COCH: variants seen among roughly 807,000 people sequenced by gnomAD.
COCH encodes the protein cochlin.
Under a neutral mutation model 54.8 loss-of-function variants are expected in COCH, and 40 were observed. The ratio of observed to expected loss-of-function variants is 0.73; its 90% confidence interval spans 0.57 to 0.95. COCH has a LOEUF of 0.95. COCH is among the 40% of genes least tolerant of loss of function. COCH has a pLI of 0.00. For missense variants in COCH, 605 were observed against 675.0 expected (o/e 0.90, Z 1.15); for synonymous variants, 256 against 237.9 (o/e 1.08, Z -0.70).
At chr14:30,887,080 A>T (rs921350301) in intron 11 of COCH, among the ~76,000 whole-genome samples, 43 of 152,250 alleles carry the variant, frequency 2.8e-4, no homozygotes, top group African/African-American at 1.0e-3. Context: ...AAGGTCTCCC[A>T]TAGACTTTAC....
At chr14:30,876,794 T>A (rs1242435199) in intron 3 of COCH, among the ~76,000 whole-genome samples, 8 of 152,126 alleles carry the variant, frequency 5.3e-5, no homozygotes, top group African/African-American at 7.2e-5. Flanking sequence ...AGTTGAGATT[T>A]AAAAATTTTT....
chr14:30,878,685 A>T, intron 4 of COCH, 126 bp from the exon 5 acceptor site: 1 of 1,344,482 alleles, frequency 7.4e-7, no homozygotes, highest in Non-Finnish European at 1.0e-6. Flanking sequence ...CAGAATCTTT[A>T]GATGACTTCC....
chr14:30,875,280 C>G, intron 3 of COCH, 177 bp downstream of exon 3: 1 of 888,648 alleles, frequency 1.1e-6, no homozygotes, highest in South Asian at 1.7e-5. Context: ...TCTGCTCCTG[C>G]TCACCTGTTT....
Position 30,875,122 on chromosome 14 carries a change from G to C in COCH, c.82+19G>C. 1 of 1,553,784 alleles carries C rather than the reference G, an allele frequency of 6.4e-7. No individual in the cohort carries two copies. The highest frequency in any genetic ancestry group is 8.7e-7 in the Non-Finnish European group (1 of 1,150,056). ...GGAGCCGGTGAGTGGGGGAGCTGGG[G>C]TGCGTCCAGGCGGTCGCAGGGGCTG... On this transcript the variant is annotated intron_variant, in intron 3 of 11. Coordinates refer to ENST00000396618, the MANE Select transcript of COCH (RefSeq NM_004086.3).
At chr14:30,891,140 G>T (rs1374319964), downstream of COCH, among the ~76,000 whole-genome samples, 1 of 152,100 alleles carries the variant, frequency 6.6e-6, no homozygotes, top group Non-Finnish European at 1.5e-5. Flanking sequence ...AGATATTTTT[G>T]AGTACTTGCT....
Position 30,888,019 on chromosome 14 carries a change from A to G in COCH, c.1478-1597A>G, listed in dbSNP as rs1331910152. ...TGAAAATTATCCCTTAGTGATATTG[A>G]AAGTTGCAAAAGCCAGAAAATAGGG... On this transcript the variant is annotated intron_variant, in intron 11 of 11. Coordinates refer to ENST00000396618, the MANE Select transcript of COCH (RefSeq NM_004086.3). Among the ~76,000 whole-genome samples, 8 of 152,314 alleles carry G rather than the reference A, an allele frequency of 5.3e-5. No individual in the cohort carries two copies. In the South Asian group the frequency reaches 1.7e-3, roughly 32 times the overall value.
At position 30,877,409 on chromosome 14, in the gene COCH, T is replaced by C. The variant is rs984789597; in HGVS notation, c.83-163T>C. ...TTAAATTGGAAAACAACCTTGTGGCTTGCCAAAATCTGGAATGGTATGGAA... is the reference window on the plus strand; with the variant it reads ...TTAAATTGGAAAACAACCTTGTGGCCTGCCAAAATCTGGAATGGTATGGAA... On this transcript the variant is annotated intron_variant, in intron 3 of 11. Coordinates refer to ENST00000396618, the MANE Select transcript of COCH (RefSeq NM_004086.3). The surrounding 1 kb of genome is among the most constrained non-coding windows in gnomAD (Gnocchi z 8.6). 2.4e-6 allele frequency: 2 copies of C among 828,940 alleles called. No individual in the cohort carries two copies. 51.3% of individuals were successfully genotyped at this position (828,940 alleles called of 1,614,324 possible). A position where few individuals can be genotyped will look rare whatever the true frequency, so the allele number is the denominator to read the frequency against.
At chr14:30,882,133 T>TGTTTTG (rs1566410421) in intron 8 of COCH, among the ~76,000 whole-genome samples, 15 of 124,990 alleles carry the variant, frequency 1.2e-4, no homozygotes, top group African/African-American at 4.2e-4. Context: ...TTTTTTTTTT[T>TGTTTTG]TTTTTTTTTT....
intron 6 of COCH, 74 bp from the exon 7 acceptor site, chr14:30,880,378 G>A: frequency 1.9e-6 from 3 of 1,591,184 alleles, no homozygotes; most frequent in South Asian, 2.3e-5. Flanking sequence ...GTTGTTATGA[G>A]CTTCTCCCCA....
chr14:30,887,271 G>A (rs1213841073), intron 11 of COCH, among the ~76,000 whole-genome samples: 1 of 151,936 alleles, frequency 6.6e-6, no homozygotes, highest in Non-Finnish European at 1.5e-5. Flanking sequence ...ACATACACCT[G>A]TAATCCCAGC....
chr14:30,875,054 A>T lies in COCH; in HGVS notation c.35-2A>T. On this transcript the variant is annotated splice_acceptor_variant, in intron 2 of 11. Coordinates refer to ENST00000396618, the MANE Select transcript of COCH (RefSeq NM_004086.3). LOFTEE classifies it high-confidence loss of function. Reference sequence around the variant, plus strand: ...CCAGCCCTCACGCTTCTCTCTTCGCAGGTGTGTGTCTGCTGCTGCTGCCGG... The same window carrying T: ...CCAGCCCTCACGCTTCTCTCTTCGCTGGTGTGTGTCTGCTGCTGCTGCCGG... The T allele has an allele frequency of 6.2e-7, 1 of 1,610,304 alleles. No individual in the cohort carries two copies. The highest frequency in any genetic ancestry group is 8.5e-7 in the Non-Finnish European group (1 of 1,178,954).
At chr14:30,875,466 G>C in intron 3 of COCH, 1 of 546,668 alleles carries the variant, frequency 1.8e-6, no homozygotes, top group Non-Finnish European at 3.2e-6. Flanking sequence ...ACCAGTCCTG[G>C]GCTCTGCTGC....
chr14:30,881,181 C>A (rs1895569079), intron 8 of COCH, among the ~76,000 whole-genome samples: 1 of 145,754 alleles, frequency 6.9e-6, no homozygotes, highest in South Asian at 2.2e-4. Context: ...CACCACTGCA[C>A]TCCAGCCTGG....
At position 30,889,899 on chromosome 14, in the gene COCH, A is replaced by G; in HGVS notation, c.*108A>G. The G allele has an allele frequency of 4.1e-6, 6 of 1,462,250 alleles. No homozygotes were observed. Among genetic ancestry groups the G allele is most frequent in the Non-Finnish European group, 5.4e-6 (6 of 1,108,152 alleles). The allele number at this position is 1,462,250 out of a possible 1,614,324, so 90.6% of individuals were successfully genotyped here. On this transcript the variant is annotated 3_prime_UTR_variant, in exon 12 of 12. Transcript: ENST00000396618. ...GCATACTAGAATCAGATACAAAACT[A>G]TTAAGTATGTCAACAGCCATTTAGG...
At chr14:30,893,620 C>T (rs1462255000), downstream of COCH, among the ~76,000 whole-genome samples, 1 of 152,038 alleles carries the variant, frequency 6.6e-6, no homozygotes, top group Non-Finnish European at 1.5e-5. Context: ...TAAAACTGCA[C>T]CTGTGCATTT....
chr14:30,875,236 C>T (rs1895314222), intron 3 of COCH, 133 bp downstream of exon 3: 17 of 1,244,852 alleles, frequency 1.4e-5, no homozygotes, highest in Non-Finnish European at 1.9e-5. Context: ...GTTGAGCCGC[C>T]GCGTGGCGCG....
intron 3 of COCH, 155 bp downstream of exon 3, chr14:30,875,258 C>G: frequency 9.4e-7 from 1 of 1,061,220 alleles, no homozygotes; most frequent in East Asian, 2.6e-5. Context: ...CCGCGTTAAC[C>G]CCTGCAGCCG....
At position 30,877,858 on chromosome 14, in the gene COCH, A is replaced by ATATTTTCACGGTTC; in HGVS notation, c.239+132_239+145dup. 1 of 1,477,720 alleles carries ATATTTTCACGGTTC rather than the reference A, an allele frequency of 6.8e-7. No individual in the cohort carries two copies. The highest frequency in any genetic ancestry group is 9.2e-7 in the Non-Finnish European group (1 of 1,090,104). 91.5% of individuals were successfully genotyped at this position (1,477,720 alleles called of 1,614,324 possible). A position where few individuals can be genotyped will look rare whatever the true frequency, so the allele number is the denominator to read the frequency against. Reference sequence around the variant, plus strand: ...GCCATTGTGGCCACAGAAAATGGATATATTTTCACGGTTCTCCTGGATATA... The same window carrying ATATTTTCACGGTTC: ...GCCATTGTGGCCACAGAAAATGGATATATTTTCACGGTTCTATTTTCACGGTTCTCCTGGATATA... On this transcript the variant is annotated intron_variant, in intron 4 of 11. Coordinates refer to ENST00000396618, the MANE Select transcript of COCH (RefSeq NM_004086.3). This position sits in a 1 kb window ranked among gnomAD's most constrained non-coding sequence, Gnocchi z 8.6.
At chr14:30,874,688 C>T (rs1895287305) in intron 1 of COCH, 97 bp downstream of exon 1, 1 of 594,966 alleles carries the variant, frequency 1.7e-6, no homozygotes, top group Admixed American at 3.0e-5. Context: ...GTCGTTTTGG[C>T]GCCCCCGCCT....
Sources: allele counts gnomAD v4.1 joint callset (sites outside exome capture counted in the v4.1 genomes callset), GRCh38; gene constraint gnomAD v4.1.1; non-coding constraint Gnocchi (gnomAD v3.1); transcripts MANE v1.5; gene names NCBI Gene and HGNC (gene_info 2026-07-23, HGNC 2026-07-21).